SV2C: variants seen among roughly 807,000 people sequenced by gnomAD.
SV2C encodes synaptic vesicle glycoprotein 2C, also known as solute carrier family 22 member B3.
A neutral mutation model predicts 79.7 loss-of-function variants in SV2C; 49 were observed. The ratio of observed to expected loss-of-function variants is 0.61; its 90% CI spans 0.49 to 0.78. The LOEUF is 0.78. SV2C is among the 30% of genes least tolerant of loss of function. The pLI, the probability that SV2C is intolerant of heterozygous loss-of-function variation, is 0.00. For missense variants in SV2C, 833 were observed against 912.9 expected (o/e 0.91, Z 1.13); for synonymous variants, 334 against 333.2 (o/e 1.00, Z -0.03).
the SV2C span, among the ~76,000 whole-genome samples, chr5:75,908,341 T>C: frequency 6.6e-6 from 1 of 152,246 alleles, no homozygotes; most frequent in Non-Finnish European, 1.5e-5. Flanking sequence ...TCTGACTTCT[T>C]TCACTTAGCA....
chr5:76,026,213 C>CACACACACAT, the SV2C span, among the ~76,000 whole-genome samples: 1 of 140,366 alleles, frequency 7.1e-6, no homozygotes, highest in Non-Finnish European at 1.6e-5. Context: ...CACACACACA[C>CACACACACAT]ACACACACAC....
At chr5:75,959,025 A>G in the SV2C span, among the ~76,000 whole-genome samples, 15 of 152,130 alleles carry the variant, frequency 9.9e-5, no homozygotes, top group Middle Eastern at 3.4e-3. Flanking sequence ...AAACTGTGAC[A>G]GAAAAAGTCC....
chr5:76,279,070 G>A (rs1414178880), intron 4 of SV2C, among the ~76,000 whole-genome samples: 1 of 152,204 alleles, frequency 6.6e-6, no homozygotes, highest in Admixed American at 6.5e-5. Context: ...GGAAAAAGAA[G>A]ATGAGGATGA....
the SV2C span, among the ~76,000 whole-genome samples, chr5:76,073,429 T>C: frequency 2.0e-5 from 3 of 148,594 alleles, no homozygotes; most frequent in Admixed American, 1.4e-4. Context: ...CAATTCGCAA[T>C]TGCAAAATAT....
intron 12 of SV2C, among the ~76,000 whole-genome samples, chr5:76,313,184 C>T (rs1748512429): frequency 6.6e-6 from 1 of 152,230 alleles, no homozygotes; most frequent in African/African-American, 2.4e-5. Context: ...CAATTTCATT[C>T]ATTCTTTCTT....
chr5:76,033,073 T>C, the SV2C span, among the ~76,000 whole-genome samples: 3 of 152,182 alleles, frequency 2.0e-5, no homozygotes, highest in African/African-American at 7.2e-5. Context: ...TCATGTCCTT[T>C]GTCCACTTTT....
chr5:76,250,814 C>T (rs1368921345), intron 4 of SV2C, among the ~76,000 whole-genome samples: 1 of 152,164 alleles, frequency 6.6e-6, no homozygotes, highest in Non-Finnish European at 1.5e-5. Flanking sequence ...ATTAATTTCT[C>T]TTGAAATCTC....
intron 2 of SV2C, among the ~76,000 whole-genome samples, chr5:76,180,743 T>C (rs901770079): frequency 5.3e-5 from 8 of 152,154 alleles, no homozygotes; most frequent in African/African-American, 1.9e-4. Context: ...GGCCCAAAGG[T>C]CTTTTCTGAG....
the SV2C span, among the ~76,000 whole-genome samples, chr5:75,883,102 A>C: frequency 6.9e-6 from 1 of 144,992 alleles, no homozygotes; most frequent in South Asian, 2.3e-4. Context: ...GCTCACCATC[A>C]CTGGCCATCA....
At chr5:76,093,558 A>T (rs978808218) in intron 1 of SV2C, among the ~76,000 whole-genome samples, 2 of 152,146 alleles carry the variant, frequency 1.3e-5, no homozygotes, top group African/African-American at 4.8e-5. Flanking sequence ...ATTTCACAAA[A>T]CTGTTCTTGC....
the SV2C span, among the ~76,000 whole-genome samples, chr5:76,007,493 A>G: frequency 5.6e-4 from 86 of 152,248 alleles, no homozygotes; most frequent in South Asian, 2.9e-3. Flanking sequence ...CTGGCATATC[A>G]TGGGTATTCA....
chr5:76,282,485 G>A (rs916824989), intron 4 of SV2C, among the ~76,000 whole-genome samples: 4 of 152,180 alleles, frequency 2.6e-5, no homozygotes, highest in South Asian at 2.1e-4. Flanking sequence ...GGCCCTTCTC[G>A]ACTAGGCTCA....
In SV2C at chr5:76,298,931, G is replaced by A. The variant is rs190291502; in HGVS notation, c.1636+4G>A. 2.9e-5 allele frequency: 46 copies of A among 1,613,268 alleles called. No homozygotes were observed. The African/African-American group carries it at 5.3e-4, about 19-fold the overall frequency. On this transcript the variant is annotated splice_donor_region_variant and intron_variant, in intron 10 of 12. Transcript: ENST00000502798. ...GACACTGTTTTTGACAACACAGGTA[G>A]GTGTGCTACTTAGTACTGCCTCTAC...
the SV2C span, among the ~76,000 whole-genome samples, chr5:75,999,836 G>T: frequency 6.6e-6 from 1 of 152,098 alleles, no homozygotes; most frequent in Non-Finnish European, 1.5e-5. Flanking sequence ...TTGTAAGATG[G>T]TGCCTTATTG....
At chr5:75,964,484 C>T in the SV2C span, among the ~76,000 whole-genome samples, 2 of 152,100 alleles carry the variant, frequency 1.3e-5, no homozygotes, top group Non-Finnish European at 2.9e-5. Flanking sequence ...GGAGGAAAGC[C>T]ACTGGCATAG....
At chr5:76,336,089 C>T (rs1235739199), downstream of SV2C, among the ~76,000 whole-genome samples, 1 of 66,176 alleles carries the variant, frequency 1.5e-5, no homozygotes, top group South Asian at 3.7e-4. Flanking sequence ...GGCGGCTGGC[C>T]GGGCGGGGGT....
chr5:76,065,631 T>C, the SV2C span, among the ~76,000 whole-genome samples: 1,473 of 152,308 alleles, frequency 9.7e-3, 21 homozygotes, highest in African/African-American at 0.034. Context: ...AGCTGTAGTA[T>C]ATGTAGTTGA....
At chr5:76,349,625 G>A (rs1435642713) in intron 12 of SV2C, among the ~76,000 whole-genome samples, 1 of 151,738 alleles carries the variant, frequency 6.6e-6, no homozygotes, top group Admixed American at 6.6e-5. Context: ...GAAAGTTTTG[G>A]CTCTCCACAA....
At chr5:76,069,817 T>TTCTC in the SV2C span, among the ~76,000 whole-genome samples, 7 of 148,074 alleles carry the variant, frequency 4.7e-5, no homozygotes, top group Non-Finnish European at 9.0e-5. Flanking sequence ...CAACCCCCGT[T>TTCTC]TCTCTCTCTC....
Sources: allele counts gnomAD v4.1 joint callset (sites outside exome capture counted in the v4.1 genomes callset), GRCh38; gene constraint gnomAD v4.1.1; transcripts MANE v1.5; gene names NCBI Gene and HGNC (gene_info 2026-07-23, HGNC 2026-07-21).